Variants in MYO10 observed in about 807,000 individuals in gnomAD.
The protein encoded by MYO10 is myosin X, also known as unconventional myosin-X.
Under a neutral mutation model 257.3 loss-of-function variants are expected in MYO10, and 133 were observed. That is an observed-to-expected ratio of 0.52 (90% CI 0.45 to 0.60). The LOEUF (loss-of-function observed/expected upper bound fraction) is 0.60, where lower values mean the gene tolerates loss of function less well. Ranked by LOEUF, MYO10 falls within the 20% of genes least tolerant of loss-of-function variation. The pLI is 0.00. For synonymous variants in MYO10, 1,104 were observed against 1,028.6 expected (o/e 1.07, Z -1.40); for missense variants, 2,399 against 2,635.7 (o/e 0.91, Z 1.97).
chr5:16,768,574 A>C (rs1024757967), intron 10 of MYO10, among the ~76,000 whole-genome samples: 1 of 149,372 alleles, frequency 6.7e-6, no homozygotes, highest in Non-Finnish European at 1.5e-5. Context: ...CTTTTCATAT[A>C]CTCTGAGCCT....
At chr5:16,868,559 C>T (rs1204663178) in intron 2 of MYO10, among the ~76,000 whole-genome samples, 3 of 151,802 alleles carry the variant, frequency 2.0e-5, no homozygotes, top group African/African-American at 7.3e-5. Flanking sequence ...AAGCCAAGAT[C>T]GCGCCACTGC....
At chr5:16,825,867 G>A (rs181648438) in intron 2 of MYO10, among the ~76,000 whole-genome samples, 4 of 152,076 alleles carry the variant, frequency 2.6e-5, no homozygotes, top group South Asian at 2.1e-4. Flanking sequence ...AAACCAGGCC[G>A]GGCACGGTGG....
At chr5:16,733,572 G>A (rs959727869) in intron 19 of MYO10, among the ~76,000 whole-genome samples, 7 of 151,878 alleles carry the variant, frequency 4.6e-5, no homozygotes, top group Non-Finnish European at 8.8e-5. Flanking sequence ...AAGGCCTGGT[G>A]GGAAGAGGGT....
chr5:16,805,290 C>T (rs1470796362), intron 3 of MYO10, among the ~76,000 whole-genome samples: 1 of 151,752 alleles, frequency 6.6e-6, no homozygotes, highest in Non-Finnish European at 1.5e-5. Context: ...TGGTGAAACC[C>T]CGTCTCTACT....
At chr5:16,766,228 C>T (rs1740861018) in intron 10 of MYO10, 30 bp from the exon 11 acceptor site, 2 of 1,538,884 alleles carry the variant, frequency 1.3e-6, no homozygotes, top group South Asian at 1.1e-5. Context: ...GGTGAATGAA[C>T]CCACCGCCCC....
At chr5:16,910,022 C>T (rs958049604) in intron 1 of MYO10, among the ~76,000 whole-genome samples, 6 of 152,190 alleles carry the variant, frequency 3.9e-5, no homozygotes, top group East Asian at 3.9e-4. Flanking sequence ...CTTATACAGC[C>T]GCAGAACCAT....
intron 4 of MYO10, among the ~76,000 whole-genome samples, chr5:16,789,605 T>C (rs1031328244): frequency 5.3e-5 from 8 of 152,078 alleles, no homozygotes; most frequent in African/African-American, 1.9e-4. Flanking sequence ...CTGACCAACA[T>C]GGTGAAACCT....
chr5:16,732,094 T>C (rs966857109), intron 19 of MYO10, among the ~76,000 whole-genome samples: 6 of 152,292 alleles, frequency 3.9e-5, no homozygotes, highest in African/African-American at 1.2e-4. Context: ...AAGGGGAACA[T>C]TTCATATTTT....
intron 2 of MYO10, among the ~76,000 whole-genome samples, chr5:16,830,644 T>C (rs1743135308): frequency 6.7e-6 from 1 of 148,418 alleles, no homozygotes; most frequent in Non-Finnish European, 1.5e-5. Context: ...ACTATGCATA[T>C]ATGTAGTATA....
intron 19 of MYO10, among the ~76,000 whole-genome samples, chr5:16,735,339 G>A (rs1262902253): frequency 1.3e-5 from 2 of 152,164 alleles, no homozygotes; most frequent in African/African-American, 2.4e-5. Context: ...GAGCTGTAGG[G>A]CAGAGTCTAA....
intron 3 of MYO10, among the ~76,000 whole-genome samples, chr5:16,808,572 G>A (rs867825443): frequency 6.6e-6 from 1 of 152,212 alleles, no homozygotes; most frequent in African/African-American, 2.4e-5. Context: ...GAGACAAGCT[G>A]TTAACTGAAG....
chr5:16,764,459 C>T, intron 11 of MYO10, 63 bp from the exon 12 acceptor site: 2 of 1,583,138 alleles, frequency 1.3e-6, no homozygotes. Context: ...GCAAGGCCAT[C>T]CATTCCCCAC....
intron 9 of MYO10, among the ~76,000 whole-genome samples, chr5:16,771,409 T>C (rs1015879753): frequency 4.0e-5 from 6 of 151,874 alleles, no homozygotes; most frequent in Admixed American, 3.3e-4. Flanking sequence ...ATAATATGTA[T>C]ATAATACTAG....
intron 21 of MYO10, among the ~76,000 whole-genome samples, chr5:16,706,897 T>C (rs1014017598): frequency 1.3e-5 from 2 of 152,180 alleles, no homozygotes; most frequent in Non-Finnish European, 2.9e-5. Context: ...ACACGAACCC[T>C]GAATTAGACA....
intron 35 of MYO10, 88 bp downstream of exon 35, chr5:16,674,765 C>A: frequency 6.7e-7 from 1 of 1,485,738 alleles, no homozygotes; most frequent in East Asian, 2.3e-5. Context: ...GTCTTCTGTT[C>A]AAAAGCCTCT....
At chr5:16,709,282 G>A (rs1362558588) in intron 21 of MYO10, among the ~76,000 whole-genome samples, 2 of 152,182 alleles carry the variant, frequency 1.3e-5, no homozygotes, top group Non-Finnish European at 2.9e-5. Context: ...TCCAGGCAGA[G>A]AGACCTATCA....
Position 16,676,054 on chromosome 5 carries a change from G to C in MYO10, c.4643C>G (p.Pro1548Arg). Residue 1548 changes from proline to arginine, a missense_variant, in exon 34 of 41, where the codon CCG becomes CGG. Physicochemically the swap from Pro to Arg is moderately radical, Grantham distance 103 (BLOSUM62 -2). Around this residue, in one of 3 missense-constraint regions of MYO10, gnomAD observed 1,820 missense variants for 1,939.4 expected, o/e 0.94. Coordinates refer to ENST00000513610, the MANE Select transcript of MYO10 (RefSeq NM_012334.3). ...ACAGTTGAGATTTATGTCCCCATAC[G>C]GAAGGGGCAGGAGCGGGGAGTGCAA... ...HPLHSPLLPL[P>R]YGDINLNLLK... 1.2e-6 allele frequency: 2 copies of C among 1,610,442 alleles called. No individual in the cohort carries two copies. Among genetic ancestry groups the C allele is most frequent in the Non-Finnish European group, 1.7e-6 (2 of 1,178,868 alleles).
intron 19 of MYO10, among the ~76,000 whole-genome samples, chr5:16,754,484 C>T (rs915096821): frequency 6.6e-6 from 1 of 150,846 alleles, no homozygotes; most frequent in African/African-American, 2.4e-5. Context: ...AAAAAAAAAT[C>T]AGCCACCACA....
chr5:16,849,462 A>T (rs935606316), intron 2 of MYO10, among the ~76,000 whole-genome samples: 1 of 152,148 alleles, frequency 6.6e-6, no homozygotes, highest in Admixed American at 6.5e-5. Context: ...GATAGAAGGG[A>T]ATTAAGTGGA....
Sources: allele counts gnomAD v4.1 joint callset (sites outside exome capture counted in the v4.1 genomes callset), GRCh38; gene constraint gnomAD v4.1.1; regional missense constraint gnomAD v4.1.1; transcripts MANE v1.5; gene names NCBI Gene and HGNC (gene_info 2026-07-23, HGNC 2026-07-21).